Variants in PSD3 observed in about 807,000 individuals in gnomAD.
PSD3 encodes pleckstrin and Sec7 domain containing 3.
A neutral mutation model predicts 105.5 loss-of-function variants in PSD3; 49 were observed. That is an observed-to-expected ratio of 0.46 (90% CI 0.37 to 0.59). The LOEUF (loss-of-function observed/expected upper bound fraction) is 0.59. Ranked by LOEUF, PSD3 falls within the 20% of genes least tolerant of loss-of-function variation. The pLI, the probability that PSD3 is intolerant of heterozygous loss-of-function variation, is 0.00. For synonymous variants in PSD3, 557 were observed against 457.8 expected, an observed-to-expected ratio of 1.22 and a Z score of -2.77; for missense variants, 1,561 against 1,263.8, an observed-to-expected ratio of 1.24 and a Z score of -3.57.
In PSD3 at chr8:19,021,568, A is replaced by T. The variant is rs541139772; in HGVS notation, c.324+62638T>A. Among the ~76,000 whole-genome samples the T allele has an allele frequency of 3.3e-5, 5 of 152,258 alleles. No homozygotes were observed. In the South Asian group the frequency reaches 6.2e-4, roughly 19 times the overall value. On this transcript the variant is annotated intron_variant, in intron 1 of 1. Transcript: ENST00000521475. ...TTTGCTTTTTTGTTACAAAAAAAAA[A>T]AAAACCCATAGCTTCTTGGAATTGT...
intron 4 of PSD3, among the ~76,000 whole-genome samples, chr8:18,817,485 TC>T (rs1239281527): frequency 6.6e-6 from 1 of 152,194 alleles, no homozygotes; most frequent in Non-Finnish European, 1.5e-5. Flanking sequence ...TAATGAAATT[TC>T]TAACACAGCA....
chr8:18,884,752 C>T (rs960429233), intron 2 of PSD3, among the ~76,000 whole-genome samples: 8 of 152,198 alleles, frequency 5.3e-5, no homozygotes, highest in African/African-American at 1.7e-4. Context: ...GCTGTGCTTA[C>T]GGCAAACTAA....
chr8:18,771,341 G>C (rs1278443540), intron 8 of PSD3, among the ~76,000 whole-genome samples: 1 of 152,154 alleles, frequency 6.6e-6, no homozygotes, highest in African/African-American at 2.4e-5. Flanking sequence ...CTATCACTTT[G>C]AAGCACAAAA....
At chr8:19,025,275 G>A (rs941293225) in intron 1 of PSD3, among the ~76,000 whole-genome samples, 14 of 152,262 alleles carry the variant, frequency 9.2e-5, no homozygotes, top group South Asian at 8.3e-4. Context: ...TGACACCACA[G>A]TTCTGAGAAA....
At chr8:18,892,175 T>C (rs999214190) in intron 2 of PSD3, among the ~76,000 whole-genome samples, 8 of 149,864 alleles carry the variant, frequency 5.3e-5, no homozygotes, top group Non-Finnish European at 3.0e-5. Flanking sequence ...TTACTTACAA[T>C]CACACACACA....
chr8:18,770,231 A>G (rs767237201), intron 8 of PSD3, among the ~76,000 whole-genome samples: 3 of 152,094 alleles, frequency 2.0e-5, no homozygotes, highest in Non-Finnish European at 4.4e-5. Context: ...AATGACCCTC[A>G]GCTTTTTTTC....
chr8:18,646,041 G>A lies in PSD3; in HGVS notation c.2216+9601C>T, dbSNP rs547186064. 5.3e-5 allele frequency among the ~76,000 whole-genome samples: 8 copies of A among 152,246 alleles called. No individual in the cohort carries two copies. In the East Asian group the frequency reaches 1.3e-3, roughly 26 times the overall value. ...TATTTTACCAAGAGTCCAGTATGAT[G>A]TAGTTTCTGCTGGTTAGGAATGTGA... On this transcript the variant is annotated intron_variant, in intron 10 of 15. Transcript: ENST00000327040.
chr8:18,920,279 A>G (rs1820922559), intron 2 of PSD3, among the ~76,000 whole-genome samples: 1 of 152,206 alleles, frequency 6.6e-6, no homozygotes, highest in Non-Finnish European at 1.5e-5. Context: ...TCAACAATAT[A>G]ACTGCCTAAA....
chr8:18,845,926 A>G (rs1815052087), intron 4 of PSD3, among the ~76,000 whole-genome samples: 1 of 152,250 alleles, frequency 6.6e-6, no homozygotes, highest in Admixed American at 6.5e-5. Flanking sequence ...AGCATGAATA[A>G]TTAAATGCAT....
chr8:18,611,426 A>AT, intron 11 of PSD3, among the ~76,000 whole-genome samples: 1 of 152,202 alleles, frequency 6.6e-6, no homozygotes, highest in South Asian at 2.1e-4. Context: ...ATAATTTTTT[A>AT]TTTTTTAAGA....
intron 8 of PSD3, among the ~76,000 whole-genome samples, chr8:18,792,825 G>C (rs886596190): frequency 5.5e-4 from 84 of 152,104 alleles, no homozygotes; most frequent in African/African-American, 1.9e-3. Flanking sequence ...CCCATTACTG[G>C]GCATATACCC....
chr8:18,528,173 T>C lies in PSD3; in HGVS notation c.*7570A>G, dbSNP rs956942192. On this transcript the variant is annotated 3_prime_UTR_variant, in exon 16 of 16. Transcript: ENST00000327040. ...AAATGGGTTCCTAAAGCTTGAGATA[T>C]AAGAGACTGCAGGGAGGTGGTTAGG... is the stretch of plus-strand genomic sequence containing the variant. 12 of 152,192 alleles carry C rather than the reference T, an allele frequency of 7.9e-5. No individual in the cohort carries two copies. Among genetic ancestry groups the C allele is most frequent in the African/African-American group, 2.9e-4 (12 of 41,434 alleles). 9.4% of individuals were successfully genotyped at this position (152,192 alleles called of 1,614,324 possible). A position where few individuals can be genotyped will look rare whatever the true frequency, so the allele number is the denominator to read the frequency against.
intron 2 of PSD3, among the ~76,000 whole-genome samples, chr8:18,893,749 A>C (rs1586349763): frequency 1.4e-5 from 2 of 145,356 alleles, no homozygotes; most frequent in South Asian, 4.6e-4. Flanking sequence ...TGGCCAACTA[A>C]AGGAAAGGCA....
intron 1 of PSD3, among the ~76,000 whole-genome samples, chr8:18,964,159 C>A (rs1824102964): frequency 6.6e-6 from 1 of 152,142 alleles, no homozygotes; most frequent in Admixed American, 6.5e-5. Flanking sequence ...GAGTGTTGCT[C>A]TGTAACCAAG....
chr8:18,814,161 A>G (rs949480329), intron 4 of PSD3, among the ~76,000 whole-genome samples: 1 of 152,216 alleles, frequency 6.6e-6, no homozygotes, highest in Non-Finnish European at 1.5e-5. Context: ...AATTCCTAAG[A>G]GCTATTTCTC....
intron 1 of PSD3, among the ~76,000 whole-genome samples, chr8:19,010,191 C>G (rs1826887909): frequency 6.6e-6 from 1 of 152,132 alleles, no homozygotes; most frequent in Non-Finnish European, 1.5e-5. Flanking sequence ...TCTGCCATGG[C>G]CGCAGCCTGA....
intron 15 of PSD3, among the ~76,000 whole-genome samples, chr8:18,544,443 T>A (rs1276714508): frequency 6.6e-6 from 1 of 151,832 alleles, no homozygotes; most frequent in Non-Finnish European, 1.5e-5. Flanking sequence ...TTTTTTCTTT[T>A]CCCTATGCTA....
chr8:18,829,408 T>C (rs939565956), intron 4 of PSD3, among the ~76,000 whole-genome samples: 11 of 152,194 alleles, frequency 7.2e-5, no homozygotes, highest in Admixed American at 6.5e-4. Context: ...AATTCTTCCA[T>C]AGTTCCCCAG....
chr8:18,629,372 G>A (rs1375760698), intron 11 of PSD3, among the ~76,000 whole-genome samples: 2 of 151,914 alleles, frequency 1.3e-5, no homozygotes, highest in Admixed American at 1.3e-4. Flanking sequence ...GAAAAGAAAT[G>A]AAAACATATG....
Sources: allele counts gnomAD v4.1 joint callset (sites outside exome capture counted in the v4.1 genomes callset), GRCh38; gene constraint gnomAD v4.1.1; transcripts MANE v1.5; gene names NCBI Gene and HGNC (gene_info 2026-07-23, HGNC 2026-07-21).